STAU2: variants seen among roughly 807,000 people sequenced by gnomAD.
The protein encoded by STAU2 is staufen double-stranded RNA binding protein 2.
STAU2 carries 20 observed loss-of-function variants against 65.9 expected under a neutral mutation model. That is an observed-to-expected ratio of 0.30 (90% CI 0.21 to 0.44). The LOEUF (loss-of-function observed/expected upper bound fraction) is 0.44, where lower values mean the gene tolerates loss of function less well. Ranked by LOEUF, STAU2 falls within the 20% of genes least tolerant of loss-of-function variation. STAU2 has a pLI of 1.00. For synonymous variants in STAU2, 232 were observed against 233.9 expected, an observed-to-expected ratio of 0.99 and a Z score of 0.07; for missense variants, 558 against 683.9, an observed-to-expected ratio of 0.82 and a Z score of 2.05.
intron 6 of STAU2, among the ~76,000 whole-genome samples, chr8:73,640,683 T>C (rs1037547878): frequency 1.5e-4 from 23 of 152,206 alleles, no homozygotes; most frequent in Non-Finnish European, 3.1e-4. Context: ...TTTTTAAATA[T>C]ACAACCTTAG....
At chr8:73,425,661 T>C (rs1816758935) in intron 13 of STAU2, among the ~76,000 whole-genome samples, 1 of 152,170 alleles carries the variant, frequency 6.6e-6, no homozygotes, top group Non-Finnish European at 1.5e-5. Context: ...CCTGTATTAT[T>C]TTTTGTTATA....
At chr8:73,600,721 G>A (rs1314259113) in intron 10 of STAU2, among the ~76,000 whole-genome samples, 1 of 152,114 alleles carries the variant, frequency 6.6e-6, no homozygotes, top group Non-Finnish European at 1.5e-5. Flanking sequence ...TCCCATTCCT[G>A]TATTCACCTT....
At chr8:73,606,414 T>TA (rs1466234840) in intron 9 of STAU2, among the ~76,000 whole-genome samples, 2 of 152,064 alleles carry the variant, frequency 1.3e-5, no homozygotes, top group Non-Finnish European at 2.9e-5. Flanking sequence ...AATAAGCAAT[T>TA]AAAATTTGTT....
chr8:73,530,321 GA>G (rs1182554164), intron 13 of STAU2, among the ~76,000 whole-genome samples: 1 of 152,096 alleles, frequency 6.6e-6, no homozygotes, highest in Non-Finnish European at 1.5e-5. Flanking sequence ...CAAACCAAAA[GA>G]AGCTCTAGAG....
At chr8:73,662,709 C>T (rs186121766) in intron 6 of STAU2, among the ~76,000 whole-genome samples, 3 of 152,156 alleles carry the variant, frequency 2.0e-5, no homozygotes, top group East Asian at 1.9e-4. Context: ...CTCTGCCTCC[C>T]GGGTTCAAGC....
At chr8:73,533,682 G>A (rs951284154) in intron 13 of STAU2, among the ~76,000 whole-genome samples, 1 of 152,172 alleles carries the variant, frequency 6.6e-6, no homozygotes, top group African/African-American at 2.4e-5. Context: ...AACTGCTTGA[G>A]GCCAGGAGTT....
intron 13 of STAU2, among the ~76,000 whole-genome samples, chr8:73,504,184 G>A (rs1214614958): frequency 2.0e-5 from 3 of 152,060 alleles, no homozygotes; most frequent in Admixed American, 1.3e-4. Flanking sequence ...AAAGCCCAGA[G>A]GGGGAAGCAA....
rs369462384 is a variant in STAU2 at position 73,421,378 on chromosome 8, G to A, written c.1707C>T (p.Ala569=). Residue 569 remains alanine, a synonymous_variant, in exon 15 of 15, where the codon GCC becomes GCT. Coordinates refer to ENST00000524300, the MANE Select transcript of STAU2 (RefSeq NM_001164380.2). ...CCGCGGGTTCTGGGAGCTGCTAGAC[G>A]GCCGAGTTTGATTTCTTGCAGTCCT... ...IAQDCKKSNS[A]V 111 of 1,537,104 alleles carry A rather than the reference G, an allele frequency of 7.2e-5. No individual in the cohort carries two copies. The highest frequency in any genetic ancestry group is 6.7e-4 in the Admixed American group (34 of 50,980).
At chr8:73,491,917 T>C (rs1174014886) in intron 13 of STAU2, among the ~76,000 whole-genome samples, 1 of 151,954 alleles carries the variant, frequency 6.6e-6, no homozygotes, top group Non-Finnish European at 1.5e-5. Flanking sequence ...AATGTAAAAA[T>C]ACGCAAGAGA....
In STAU2 at chr8:73,738,302, G is replaced by A. The variant is rs1340199683; in HGVS notation, c.-36C>T. The A allele has an allele frequency of 1.2e-6, 2 of 1,608,128 alleles. No homozygotes were observed. Among genetic ancestry groups the A allele is most frequent in the African/African-American group, 1.3e-5 (1 of 74,568 alleles). On this transcript the variant is annotated 5_prime_UTR_variant, in exon 3 of 15. Transcript: ENST00000524300. Reference sequence around the variant, plus strand: ...AACTCACCTGATTTATTTGAAGCATGTTAAGACAATATTGACCAAACTGCT... The same window carrying A: ...AACTCACCTGATTTATTTGAAGCATATTAAGACAATATTGACCAAACTGCT...
intron 6 of STAU2, among the ~76,000 whole-genome samples, chr8:73,662,375 CTT>C (rs1363773418): frequency 6.6e-6 from 1 of 151,886 alleles, no homozygotes; most frequent in Non-Finnish European, 1.5e-5. Flanking sequence ...ATTTTGATGA[CTT>C]ATAATTTCTC....
At chr8:73,598,766 G>A (rs1811404839) in intron 10 of STAU2, among the ~76,000 whole-genome samples, 1 of 152,070 alleles carries the variant, frequency 6.6e-6, no homozygotes, top group Non-Finnish European at 1.5e-5. Context: ...CATATATAAG[G>A]AATCTAAGAA....
intron 12 of STAU2, among the ~76,000 whole-genome samples, chr8:73,568,406 G>A (rs1224918507): frequency 2.6e-5 from 4 of 152,160 alleles, no homozygotes; most frequent in African/African-American, 9.7e-5. Flanking sequence ...TTTGAGACAA[G>A]CCTGGGCAAC....
intron 7 of STAU2, among the ~76,000 whole-genome samples, chr8:73,616,195 C>G (rs375660771): frequency 6.6e-6 from 1 of 152,054 alleles, no homozygotes; most frequent in Admixed American, 6.6e-5. Context: ...CCAGGAGCAT[C>G]CTAATTGGAG....
chr8:73,693,780 C>A (rs1317514626), intron 4 of STAU2, among the ~76,000 whole-genome samples: 3 of 152,236 alleles, frequency 2.0e-5, no homozygotes, highest in Non-Finnish European at 4.4e-5. Flanking sequence ...CTATGTACAA[C>A]ACTGGGAAGT....
chr8:73,466,781 G>A (rs1237331052), intron 13 of STAU2, among the ~76,000 whole-genome samples: 2 of 152,200 alleles, frequency 1.3e-5, no homozygotes, highest in East Asian at 1.9e-4. Flanking sequence ...CCACTGACTC[G>A]CCATTTAATA....
Position 73,720,270 on chromosome 8 carries a change from C to CAAAAAAAAAA in STAU2, c.-17-11109_-17-11108insTTTTTTTTTT, listed in dbSNP as rs145378789. Among the ~76,000 whole-genome samples the CAAAAAAAAAA allele has an allele frequency of 3.6e-4, 51 of 139,796 alleles. 1 individual carries two copies. Among genetic ancestry groups the CAAAAAAAAAA allele is most frequent in the Admixed American group, 3.5e-4 (5 of 14,318 alleles). The allele number at this position is 139,796 out of a possible 152,430, so 91.7% of individuals were successfully genotyped here. On this transcript the variant is annotated intron_variant, in intron 3 of 14. Transcript: ENST00000524300. ...TGGGCGACAGAGTGAGACCCTGTCT[C>CAAAAAAAAAA]AAAAAAAAAGCTATTCAGGTTATCC...
At chr8:73,687,325 T>TTATAAATATAAATTATATTTATATA (rs1563506719) in intron 5 of STAU2, among the ~76,000 whole-genome samples, 1 of 114,818 alleles carries the variant, frequency 8.7e-6, no homozygotes, top group African/African-American at 3.1e-5. Context: ...ATATTTATAT[T>TTATAAATATAAATTATATTTATATA]TATAAATATA....
intron 6 of STAU2, among the ~76,000 whole-genome samples, chr8:73,619,007 T>C (rs1475589102): frequency 1.3e-5 from 2 of 152,322 alleles, no homozygotes; most frequent in Admixed American, 6.5e-5. Flanking sequence ...ATTCAATTAT[T>C]AGACCTATTA....
Sources: allele counts gnomAD v4.1 joint callset (sites outside exome capture counted in the v4.1 genomes callset), GRCh38; gene constraint gnomAD v4.1.1; transcripts MANE v1.5; gene names NCBI Gene and HGNC (gene_info 2026-07-23, HGNC 2026-07-21).